DPP6: variants seen among roughly 807,000 people sequenced by gnomAD.
DPP6 encodes A-type potassium channel modulatory protein DPP6.
A neutral mutation model predicts 122.6 loss-of-function variants in DPP6; 69 were observed. The observed-to-expected ratio is 0.56, with a 90% CI of 0.46 to 0.69. DPP6 has a LOEUF of 0.69. Ranked by LOEUF, DPP6 falls within the 30% of genes least tolerant of loss-of-function variation. The pLI, the probability that DPP6 is intolerant of heterozygous loss-of-function variation, is 0.00. For missense variants in DPP6, 928 were observed against 1,116.9 expected (o/e 0.83, Z 2.41); for synonymous variants, 418 against 433.1 (o/e 0.97, Z 0.43).
At chr7:153,906,240 G>A (rs917398584) in intron 1 of DPP6, among the ~76,000 whole-genome samples, 3 of 152,152 alleles carry the variant, frequency 2.0e-5, no homozygotes, top group African/African-American at 7.2e-5. Flanking sequence ...AAGTGCAGTT[G>A]TGTTACGCGG....
intron 1 of DPP6, among the ~76,000 whole-genome samples, chr7:154,250,342 A>C (rs73489314): frequency 0.066 from 10,094 of 152,020 alleles, 1,000 homozygotes; most frequent in African/African-American, 0.22. Context: ...CATCTCCTCT[A>C]ATGGAAACAG....
chr7:153,878,733 A>G, the DPP6 span, among the ~76,000 whole-genome samples: 1 of 152,168 alleles, frequency 6.6e-6, no homozygotes, highest in Non-Finnish European at 1.5e-5. Context: ...ATTAAGTTGT[A>G]GACTTATGAC....
rs537148828 is a variant in DPP6, at chr7:154,660,657, C to T, written c.681-8703C>T. On this transcript the variant is annotated intron_variant, in intron 6 of 25. Coordinates refer to ENST00000377770, the MANE Select transcript of DPP6 (RefSeq NM_130797.4). ...ATATACTCATGGTGAATCACCATGG[C>T]GTATTGGCCGTAGTATTCATATAGT... Among the ~76,000 whole-genome samples the T allele has an allele frequency of 5.0e-4, 68 of 135,092 alleles. 3 individuals are homozygous for T. The highest frequency in any genetic ancestry group is 9.0e-4 in the African/African-American group (29 of 32,348). 88.6% of individuals were successfully genotyped at this position (135,092 alleles called of 152,430 possible). A position where few individuals can be genotyped will look rare whatever the true frequency, so the allele number is the denominator to read the frequency against.
At chr7:153,826,377 A>G in the DPP6 span, among the ~76,000 whole-genome samples, 2 of 152,208 alleles carry the variant, frequency 1.3e-5, no homozygotes, top group Non-Finnish European at 2.9e-5. Context: ...TTCTAGATAT[A>G]GAAAACTAGG....
At chr7:154,623,561 A>ACATG in intron 5 of DPP6, among the ~76,000 whole-genome samples, 1 of 118,668 alleles carries the variant, frequency 8.4e-6, no homozygotes, top group African/African-American at 2.8e-5. Context: ...CACACACGCA[A>ACATG]CACGCACACA....
intron 16 of DPP6, among the ~76,000 whole-genome samples, chr7:154,812,814 A>C (rs574694338): frequency 2.6e-5 from 4 of 152,218 alleles, no homozygotes; most frequent in Admixed American, 6.5e-5. Context: ...ATCTTCTCCT[A>C]ATGTTCAGTT....
intron 1 of DPP6, among the ~76,000 whole-genome samples, chr7:153,991,698 TCA>T (rs1797186501): frequency 6.6e-6 from 1 of 152,184 alleles, no homozygotes; most frequent in African/African-American, 2.4e-5. Flanking sequence ...CCTGAGTAAT[TCA>T]CAGTCCATTA....
At chr7:154,123,895 G>A (rs111693325) in intron 1 of DPP6, among the ~76,000 whole-genome samples, 7 of 150,884 alleles carry the variant, frequency 4.6e-5, no homozygotes, top group African/African-American at 7.3e-5. Flanking sequence ...TGTGCCACCC[G>A]CTCACTATGA....
At chr7:154,395,129 A>G (rs868446515) in intron 1 of DPP6, among the ~76,000 whole-genome samples, 9 of 152,186 alleles carry the variant, frequency 5.9e-5, no homozygotes, top group African/African-American at 1.7e-4. Context: ...TGTGTTTATC[A>G]TAGATGGTGC....
intron 1 of DPP6, among the ~76,000 whole-genome samples, chr7:154,295,560 CG>C (rs1805483174): frequency 6.6e-6 from 1 of 152,162 alleles, no homozygotes; most frequent in Non-Finnish European, 1.5e-5. Flanking sequence ...GATTTAGAGA[CG>C]GGGAGTTCAT....
intron 1 of DPP6, among the ~76,000 whole-genome samples, chr7:154,010,660 T>G (rs1321270253): frequency 1.3e-5 from 2 of 152,232 alleles, no homozygotes; most frequent in Non-Finnish European, 2.9e-5. Flanking sequence ...CCCTTTTTAA[T>G]TTATTTATAG....
At chr7:154,031,481 C>T (rs1195750598) in intron 1 of DPP6, among the ~76,000 whole-genome samples, 1 of 151,812 alleles carries the variant, frequency 6.6e-6, no homozygotes, top group South Asian at 2.1e-4. Context: ...TTTGGCATTA[C>T]CTGTGACTAA....
chr7:154,882,787 T>C (rs1214143339), intron 21 of DPP6, among the ~76,000 whole-genome samples: 1 of 152,132 alleles, frequency 6.6e-6, no homozygotes, highest in Non-Finnish European at 1.5e-5. Flanking sequence ...TAAGGACGTG[T>C]GGAGTTCACT....
intron 1 of DPP6, among the ~76,000 whole-genome samples, chr7:154,332,527 G>A (rs1809042431): frequency 6.6e-6 from 1 of 152,216 alleles, no homozygotes; most frequent in Admixed American, 6.5e-5. Context: ...GACCCTCTGG[G>A]TAGCAACGTT....
the DPP6 span, among the ~76,000 whole-genome samples, chr7:153,827,567 C>T: frequency 2.6e-5 from 4 of 152,146 alleles, no homozygotes; most frequent in African/African-American, 7.2e-5. Flanking sequence ...ACACAAAACC[C>T]TAGTGTGTGC....
At chr7:154,146,810 C>T (rs555092505) in intron 1 of DPP6, among the ~76,000 whole-genome samples, 9 of 152,214 alleles carry the variant, frequency 5.9e-5, no homozygotes, top group Admixed American at 4.6e-4. Flanking sequence ...GGGAGCAAGC[C>T]GCGCGGCTGC....
chr7:154,623,899 G>A lies in DPP6; in HGVS notation c.628-13922G>A, dbSNP rs563290958. On this transcript the variant is annotated intron_variant, in intron 5 of 25. Coordinates refer to ENST00000377770, the MANE Select transcript of DPP6 (RefSeq NM_130797.4). The stretch of plus-strand genomic sequence containing the variant: ...ATTTACAAATAATCTGGGAGAAAAA[G>A]GTTTATTTCAAAACTATATAGAGGG... 1.6e-4 allele frequency among the ~76,000 whole-genome samples: 25 copies of A among 152,278 alleles called. No homozygotes were observed. In the East Asian group the frequency reaches 4.4e-3, roughly 27 times the overall value.
chr7:154,456,062 G>C (rs1183066496), intron 2 of DPP6, among the ~76,000 whole-genome samples: 4 of 152,204 alleles, frequency 2.6e-5, no homozygotes, highest in Non-Finnish European at 5.9e-5. Flanking sequence ...AGTTTAAGCA[G>C]AGTTACCATA....
At chr7:154,172,011 G>A (rs536299481) in intron 1 of DPP6, among the ~76,000 whole-genome samples, 10 of 152,260 alleles carry the variant, frequency 6.6e-5, no homozygotes, top group African/African-American at 2.4e-4. Flanking sequence ...GCAGAGAGGT[G>A]ATCTGACACA....
Sources: allele counts gnomAD v4.1 joint callset (sites outside exome capture counted in the v4.1 genomes callset), GRCh38; gene constraint gnomAD v4.1.1; transcripts MANE v1.5; gene names NCBI Gene and HGNC (gene_info 2026-07-23, HGNC 2026-07-21).